Variants in SVEP1 observed in about 807,000 individuals in gnomAD.
SVEP1 encodes the protein sushi, von Willebrand factor type A, EGF and pentraxin domain-containing protein 1.
SVEP1 carries 164 observed loss-of-function variants against 367.3 expected under a neutral mutation model. That is an observed-to-expected ratio of 0.45 (90% CI 0.39 to 0.51). SVEP1 has a LOEUF of 0.51. Among genes scored for constraint, SVEP1 ranks in the 20% least tolerant of loss-of-function variants. The probability of loss-of-function intolerance (pLI) is 0.00; values close to 1 mark genes in which losing one functional copy is unlikely to be tolerated. For synonymous variants in SVEP1, 1,666 were observed against 1,611.6 expected (o/e 1.03, Z -0.81); for missense variants, 4,117 against 4,425.3 (o/e 0.93, Z 1.98).
chr9:110,471,654 T>C lies in SVEP1; in HGVS notation c.2765-57A>G, dbSNP rs769434955. On this transcript the variant is annotated intron_variant, in intron 15 of 47. Coordinates refer to ENST00000374469, the MANE Select transcript of SVEP1 (RefSeq NM_153366.4). Reference sequence around the variant, plus strand: ...AACACATGGTGTTTCAGAAAGTCATTTGTAGTTAATTTTTTACCAAACAGA... The same window carrying C: ...AACACATGGTGTTTCAGAAAGTCATCTGTAGTTAATTTTTTACCAAACAGA... The C allele has an allele frequency of 4.2e-4, 544 of 1,309,434 alleles. 1 individual carries two copies. The highest frequency in any genetic ancestry group is 5.3e-4 in the Non-Finnish European group (499 of 945,408). The allele number at this position is 1,309,434 out of a possible 1,614,324, so 81.1% of individuals were successfully genotyped here.
intron 1 of SVEP1, among the ~76,000 whole-genome samples, chr9:110,564,158 G>A (rs1425578995): frequency 6.6e-6 from 1 of 152,180 alleles, no homozygotes; most frequent in Non-Finnish European, 1.5e-5. Context: ...GGCTTAGCCA[G>A]TAGAACAAGT....
At chr9:110,435,822 T>C (rs544257062) in intron 28 of SVEP1, among the ~76,000 whole-genome samples, 7 of 152,230 alleles carry the variant, frequency 4.6e-5, no homozygotes, top group Non-Finnish European at 1.0e-4. Context: ...TAGTATTTTG[T>C]TCAATCTTGT....
chr9:110,385,481 T>C (rs1827506038), intron 43 of SVEP1, among the ~76,000 whole-genome samples: 1 of 152,214 alleles, frequency 6.6e-6, no homozygotes, highest in Non-Finnish European at 1.5e-5. Context: ...CAGCAACATC[T>C]AGAAATGTGT....
intron 39 of SVEP1, among the ~76,000 whole-genome samples, chr9:110,401,223 G>A (rs138945450): frequency 3.4e-4 from 51 of 152,028 alleles, no homozygotes; most frequent in Non-Finnish European, 6.2e-4. Flanking sequence ...GACAATTTTA[G>A]ACATTTCTTA....
At chr9:110,414,201 A>G (rs1351368136) in intron 36 of SVEP1, among the ~76,000 whole-genome samples, 1 of 152,088 alleles carries the variant, frequency 6.6e-6, no homozygotes, top group African/African-American at 2.4e-5. Flanking sequence ...TTAGTTATCA[A>G]ATATTTCTCC....
Position 110,400,848 on chromosome 9 carries a change from G to A in SVEP1, c.9822+6C>T, listed in dbSNP as rs199916059. On this transcript the variant is annotated splice_donor_region_variant and intron_variant, in intron 40 of 47. Transcript: ENST00000374469. ...TTATTTCTAGTTAAACAATTTGTTC[G>A]CTTACCTCTAGTTCATAGCCAGGCT... 3.7e-5 allele frequency: 60 copies of A among 1,600,354 alleles called. No homozygotes were observed. Among genetic ancestry groups the A allele is most frequent in the Non-Finnish European group, 4.5e-5 (53 of 1,173,992 alleles).
chr9:110,491,842 A>AAGATAT (rs1295644580), intron 8 of SVEP1, among the ~76,000 whole-genome samples: 1 of 152,108 alleles, frequency 6.6e-6, no homozygotes, highest in Non-Finnish European at 1.5e-5. Flanking sequence ...AAAATGTTCT[A>AAGATAT]AGATATAGAA....
intron 40 of SVEP1, among the ~76,000 whole-genome samples, chr9:110,398,697 G>C (rs544604131): frequency 2.0e-5 from 3 of 152,224 alleles, no homozygotes; most frequent in South Asian, 2.1e-4. Flanking sequence ...TGAACAGACA[G>C]TTCTCAAAAG....
At chr9:110,435,156 A>G in intron 29 of SVEP1, 85 bp downstream of exon 29, 1 of 1,489,658 alleles carries the variant, frequency 6.7e-7, no homozygotes, top group Non-Finnish European at 9.0e-7. Flanking sequence ...TTGGACCGAT[A>G]GAGAATTCTG....
intron 5 of SVEP1, among the ~76,000 whole-genome samples, chr9:110,509,032 T>C (rs570879056): frequency 6.6e-6 from 1 of 152,140 alleles, no homozygotes; most frequent in East Asian, 1.9e-4. Context: ...TATAATTAAA[T>C]CTGTAAAAAT....
intron 46 of SVEP1, among the ~76,000 whole-genome samples, chr9:110,371,852 AT>A (rs1269343009): frequency 6.6e-6 from 1 of 152,118 alleles, no homozygotes. Context: ...TGCTTTTACA[AT>A]CCCGCAATGA....
chr9:110,484,863 G>A (rs1829252378), intron 9 of SVEP1, among the ~76,000 whole-genome samples: 1 of 152,146 alleles, frequency 6.6e-6, no homozygotes. Context: ...TTAGAGAAAT[G>A]CAAATCAAAA....
chr9:110,447,142 A>T (rs1050216592), intron 24 of SVEP1, 85 bp from the exon 25 acceptor site: 5 of 1,241,432 alleles, frequency 4.0e-6, no homozygotes, highest in Non-Finnish European at 5.2e-6. Context: ...AAGACTTTGA[A>T]AATTGAAATG....
Position 110,408,659 on chromosome 9 carries a change from G to C in SVEP1, c.6941C>G (p.Ser2314Ter). The part of the protein sequence containing the change: ...CQKSGKWNKK[S>*]NPKCMPAKCP... ...CTTGGCAGGCATGCACTTTGGATTT[G>C]ACTTCTTATTCCATTTGCCAGATTT... The change falls in exon 38 of 48, where the codon TCA becomes TGA. Residue 2314 changes from serine (S) to a stop codon, truncating the protein, a stop_gained. Coordinates refer to ENST00000374469, the MANE Select transcript of SVEP1 (RefSeq NM_153366.4). LOFTEE classifies it high-confidence loss of function. 6.2e-7 allele frequency: 1 copy of C among 1,613,950 alleles called. No individual in the cohort carries two copies. The highest frequency in any genetic ancestry group is 8.5e-7 in the Non-Finnish European group (1 of 1,179,882).
In SVEP1 at chr9:110,404,316, C is replaced by G. The variant is rs1184252187; in HGVS notation, c.9666+11G>C. On this transcript the variant is annotated intron_variant, in intron 39 of 47. Transcript: ENST00000374469. ...TAGGCATTACACATTCTAATTAAGA[C>G]AGAATCTTACCTGACATACTGATAT... 2 of 1,612,916 alleles carry G rather than the reference C, an allele frequency of 1.2e-6. No homozygotes were observed. Among genetic ancestry groups the G allele is most frequent in the African/African-American group, 2.7e-5 (2 of 74,888 alleles).
chr9:110,575,308 C>A (rs1435576509), intron 1 of SVEP1, among the ~76,000 whole-genome samples: 1 of 152,108 alleles, frequency 6.6e-6, no homozygotes, highest in African/African-American at 2.4e-5. Flanking sequence ...GACTCATTAC[C>A]CATTTTACTG....
At chr9:110,384,723 T>C (rs988097136) in intron 43 of SVEP1, among the ~76,000 whole-genome samples, 1 of 152,208 alleles carries the variant, frequency 6.6e-6, no homozygotes, top group African/African-American at 2.4e-5. Flanking sequence ...TTAAACATTT[T>C]GAGGACAGAA....
chr9:110,375,572 G>T, intron 45 of SVEP1, 109 bp from the exon 46 acceptor site: 1 of 966,382 alleles, frequency 1.0e-6, no homozygotes, highest in Non-Finnish European at 1.5e-6. Context: ...TTTTGCAGGA[G>T]TGAAACCTTA....
intron 40 of SVEP1, among the ~76,000 whole-genome samples, chr9:110,394,053 T>C (rs1169470868): frequency 6.6e-6 from 1 of 152,208 alleles, no homozygotes; most frequent in Admixed American, 6.5e-5. Flanking sequence ...ACAGGCAGAC[T>C]GCCTCCTCAA....
Sources: gnomAD v4.1 joint callset for allele counts (sites outside exome capture counted in the v4.1 genomes callset) on GRCh38, gnomAD v4.1.1 for gene constraint, MANE v1.5 for transcripts, NCBI Gene and HGNC (gene_info 2026-07-23, HGNC 2026-07-21) for gene names.